ERC1: variants seen among roughly 807,000 people sequenced by gnomAD.
ERC1 encodes the protein ELKS/RAB6-interacting/CAST family member 1.
Under a neutral mutation model 132.0 loss-of-function variants are expected in ERC1, and 56 were observed. The observed-to-expected ratio is 0.42, with a 90% confidence interval of 0.34 to 0.53. ERC1 has a LOEUF of 0.53. ERC1 is among the 20% of genes least tolerant of loss of function. The probability of loss-of-function intolerance (pLI) is 0.03; values close to 1 mark genes in which losing one functional copy is unlikely to be tolerated. For missense variants in ERC1, 1,202 were observed against 1,349.9 expected (o/e 0.89, Z 1.72); for synonymous variants, 478 against 476.1 (o/e 1.00, Z -0.05).
At chr12:1,428,641 T>G (rs760879919) in intron 17 of ERC1, among the ~76,000 whole-genome samples, 1 of 152,216 alleles carries the variant, frequency 6.6e-6, no homozygotes, top group African/African-American at 2.4e-5. Context: ...GTGGAGGATA[T>G]GGTTCAACTC....
At chr12:1,247,168 G>A (rs1477330942) in intron 13 of ERC1, among the ~76,000 whole-genome samples, 1 of 151,110 alleles carries the variant, frequency 6.6e-6, no homozygotes, top group Non-Finnish European at 1.5e-5. Flanking sequence ...GTTTGAGGTT[G>A]CAGTAAGCCC....
intron 18 of ERC1, among the ~76,000 whole-genome samples, chr12:1,465,895 G>A (rs905561043): frequency 2.0e-5 from 3 of 152,184 alleles, no homozygotes; most frequent in Non-Finnish European, 2.9e-5. Context: ...TGCCACAGTC[G>A]CGGGTTTTCT....
intron 15 of ERC1, among the ~76,000 whole-genome samples, chr12:1,368,022 A>C (rs2086833056): frequency 6.6e-6 from 1 of 151,218 alleles, no homozygotes; most frequent in Non-Finnish European, 1.5e-5. Flanking sequence ...TTGACAGGAA[A>C]AGCATTGCAG....
intron 15 of ERC1, among the ~76,000 whole-genome samples, chr12:1,293,627 C>CT (rs1363315493): frequency 1.4e-5 from 2 of 145,302 alleles, no homozygotes; most frequent in East Asian, 4.1e-4. Context: ...GAAACTCTGT[C>CT]TCAAAAAAAA....
At chr12:1,468,013 G>A (rs1203671700) in intron 18 of ERC1, among the ~76,000 whole-genome samples, 1 of 152,170 alleles carries the variant, frequency 6.6e-6, no homozygotes, top group East Asian at 1.9e-4. Context: ...CTGCTGTGTG[G>A]CCCAGTTCCT....
intron 18 of ERC1, among the ~76,000 whole-genome samples, chr12:1,475,254 G>A (rs1268112763): frequency 6.6e-6 from 1 of 152,132 alleles, no homozygotes; most frequent in East Asian, 1.9e-4. Context: ...AACTTAAATA[G>A]CTCTTTAGAA....
chr12:1,227,720 A>G (rs527809503), intron 12 of ERC1, among the ~76,000 whole-genome samples: 12 of 152,238 alleles, frequency 7.9e-5, no homozygotes, highest in Admixed American at 1.3e-4. Flanking sequence ...CCAAAAAATC[A>G]TTGTGCAGAC....
At chr12:1,096,052 A>G (rs559105946) in intron 3 of ERC1, among the ~76,000 whole-genome samples, 2 of 151,574 alleles carry the variant, frequency 1.3e-5, no homozygotes, top group Admixed American at 1.3e-4. Flanking sequence ...CAGCCCCCGC[A>G]AGTGGCTGGG....
chr12:1,339,076 ACAGGGTGCTAGCAGGTGC>A (rs2083564350), intron 15 of ERC1, among the ~76,000 whole-genome samples: 1 of 152,226 alleles, frequency 6.6e-6, no homozygotes, highest in African/African-American at 2.4e-5. Context: ...GACAACTGTG[ACAGGGTGCTAGCAGGTGC>A]CAGGGTGCCT....
intron 2 of ERC1, among the ~76,000 whole-genome samples, chr12:1,042,691 A>AC (rs1970455162): frequency 6.6e-6 from 1 of 152,054 alleles, no homozygotes; most frequent in Non-Finnish European, 1.5e-5. Context: ...TTTATGTGAT[A>AC]AACCTACAGC....
At chr12:1,055,990 A>T (rs956502746) in intron 2 of ERC1, among the ~76,000 whole-genome samples, 6 of 152,062 alleles carry the variant, frequency 3.9e-5, no homozygotes, top group African/African-American at 1.4e-4. Context: ...CTAAAAAATA[A>T]AATAAAATAA....
At chr12:1,368,785 A>AGTAT (rs1218636087) in intron 15 of ERC1, among the ~76,000 whole-genome samples, 6 of 152,222 alleles carry the variant, frequency 3.9e-5, no homozygotes, top group African/African-American at 1.4e-4. Flanking sequence ...ATAAAAGAAA[A>AGTAT]ACCTAAAAGC....
intron 16 of ERC1, among the ~76,000 whole-genome samples, chr12:1,399,872 A>G (rs2090871414): frequency 6.6e-6 from 1 of 152,186 alleles, no homozygotes; most frequent in Non-Finnish European, 1.5e-5. Context: ...TTTTGCATGG[A>G]AACACGTTTT....
At chr12:1,019,403 G>A (rs1965993076) in intron 1 of ERC1, among the ~76,000 whole-genome samples, 1 of 152,194 alleles carries the variant, frequency 6.6e-6, no homozygotes, top group Non-Finnish European at 1.5e-5. Context: ...GGGGTTATAG[G>A]TATGAGCCAC....
At chr12:1,440,692 G>C (rs2093126177) in intron 17 of ERC1, among the ~76,000 whole-genome samples, 1 of 141,800 alleles carries the variant, frequency 7.1e-6, no homozygotes. Context: ...CTGTCGCCCA[G>C]GCTGGAGTGC....
intron 1 of ERC1, among the ~76,000 whole-genome samples, chr12:1,021,129 C>T (rs181953662): frequency 6.6e-6 from 1 of 151,916 alleles, no homozygotes; most frequent in Admixed American, 6.6e-5. Flanking sequence ...TTAGTAGAGA[C>T]GGGGTTTCAC....
chr12:1,138,758 G>A (rs555327217), intron 7 of ERC1, among the ~76,000 whole-genome samples: 13 of 152,302 alleles, frequency 8.5e-5, no homozygotes, highest in Admixed American at 4.6e-4. Context: ...GAGGCATATG[G>A]CAAAGGTTAG....
At chr12:1,054,373 G>A (rs763639588) in intron 2 of ERC1, among the ~76,000 whole-genome samples, 21 of 152,084 alleles carry the variant, frequency 1.4e-4, no homozygotes, top group Non-Finnish European at 2.5e-4. Flanking sequence ...TGTGTATTGG[G>A]ATTCCTTTAA....
chr12:1,146,307 GGTTTTT>G (rs1950338713), intron 8 of ERC1, among the ~76,000 whole-genome samples: 1 of 59,394 alleles, frequency 1.7e-5, no homozygotes, highest in African/African-American at 1.2e-4. Flanking sequence ...GTATTTTACT[GGTTTTT>G]TTTTTTTTTT....
Sources: gnomAD v4.1 joint callset for allele counts (sites outside exome capture counted in the v4.1 genomes callset) on GRCh38, gnomAD v4.1.1 for gene constraint, MANE v1.5 for transcripts, NCBI Gene and HGNC (gene_info 2026-07-23, HGNC 2026-07-21) for gene names.